The following CA10 variants were observed in gnomAD, a reference collection of about 807,000 sequenced individuals.
CA10 encodes carbonic anhydrase-related protein 10.
In CA10, 14 loss-of-function variants were observed where a neutral mutation model predicts 44.2. The observed-to-expected ratio is 0.32, with a 90% CI of 0.21 to 0.50. The LOEUF (loss-of-function observed/expected upper bound fraction) is 0.50. Among genes scored for constraint, CA10 ranks in the 20% least tolerant of loss-of-function variants. CA10 has a pLI of 0.99. For synonymous variants in CA10, 159 were observed against 141.6 expected (o/e 1.12, Z -0.87); for missense variants, 350 against 409.7 (o/e 0.85, Z 1.26).
chr17:51,929,021 C>T (rs1982543357), intron 3 of CA10, among the ~76,000 whole-genome samples: 1 of 152,086 alleles, frequency 6.6e-6, no homozygotes, highest in African/African-American at 2.4e-5. Context: ...GTAAATGTTG[C>T]CAAGATTCCA....
chr17:51,980,440 C>G (rs1334677472), intron 2 of CA10, among the ~76,000 whole-genome samples: 2 of 152,020 alleles, frequency 1.3e-5, no homozygotes, highest in East Asian at 3.9e-4. Flanking sequence ...GTCAGACACA[C>G]AGTTTGCAAA....
At chr17:51,889,291 G>A (rs910612785) in intron 3 of CA10, among the ~76,000 whole-genome samples, 1 of 152,102 alleles carries the variant, frequency 6.6e-6, no homozygotes, top group African/African-American at 2.4e-5. Flanking sequence ...GGAGGCTGGA[G>A]AAGGCAGATT....
intron 2 of CA10, among the ~76,000 whole-genome samples, chr17:52,019,980 C>T (rs1986085223): frequency 6.6e-6 from 1 of 151,502 alleles, no homozygotes; most frequent in Admixed American, 6.6e-5. Context: ...TTTGTTATAT[C>T]AGTTGTTGAG....
intron 3 of CA10, among the ~76,000 whole-genome samples, chr17:51,778,901 G>A (rs78273058): frequency 0.015 from 2,317 of 152,236 alleles, 29 homozygotes; most frequent in Non-Finnish European, 0.021. Context: ...CTGGAGCCTC[G>A]TGTTCTTGGG....
At chr17:51,665,672 G>A (rs761883863) in intron 4 of CA10, among the ~76,000 whole-genome samples, 1 of 152,212 alleles carries the variant, frequency 6.6e-6, no homozygotes. Flanking sequence ...AATCTGCACA[G>A]CATGTTACCG....
intron 2 of CA10, among the ~76,000 whole-genome samples, chr17:52,016,095 T>C (rs1985960101): frequency 6.6e-6 from 1 of 152,028 alleles, no homozygotes; most frequent in Non-Finnish European, 1.5e-5. Context: ...GGGAGAGGCA[T>C]TGGAGTTTGC....
intron 2 of CA10, among the ~76,000 whole-genome samples, chr17:52,031,430 G>A (rs1043499077): frequency 6.6e-6 from 1 of 152,100 alleles, no homozygotes; most frequent in Non-Finnish European, 1.5e-5. Context: ...GATTACAGGT[G>A]TGAGCCACTG....
chr17:51,767,808 G>A (rs189345820), intron 3 of CA10, among the ~76,000 whole-genome samples: 243 of 151,472 alleles, frequency 1.6e-3, no homozygotes, highest in African/African-American at 5.4e-3. Flanking sequence ...TTCTCATAAG[G>A]TGGACACAAC....
At chr17:52,131,529 A>G (rs1989239441) in intron 1 of CA10, among the ~76,000 whole-genome samples, 1 of 152,244 alleles carries the variant, frequency 6.6e-6, no homozygotes, top group Non-Finnish European at 1.5e-5. Flanking sequence ...CTAACATTAT[A>G]GCTCATTGCA....
intron 1 of CA10, among the ~76,000 whole-genome samples, chr17:52,118,072 G>A (rs906239000): frequency 1.3e-5 from 2 of 152,146 alleles, no homozygotes; most frequent in Non-Finnish European, 2.9e-5. Flanking sequence ...TTTGTAGAGG[G>A]TTATAAAAGG....
intron 2 of CA10, among the ~76,000 whole-genome samples, chr17:51,967,416 C>T (rs1984122330): frequency 1.3e-5 from 2 of 151,310 alleles, no homozygotes; most frequent in Non-Finnish European, 3.0e-5. Context: ...CTATTCACAA[C>T]AGCAAAGACG....
chr17:51,968,230 A>C (rs910170670), intron 2 of CA10, among the ~76,000 whole-genome samples: 4 of 151,908 alleles, frequency 2.6e-5, no homozygotes, highest in African/African-American at 9.7e-5. Flanking sequence ...AATGAACACT[A>C]TGTTAAATCA....
At chr17:51,769,808 G>A (rs968070559) in intron 3 of CA10, among the ~76,000 whole-genome samples, 3 of 152,158 alleles carry the variant, frequency 2.0e-5, no homozygotes, top group South Asian at 2.1e-4. Flanking sequence ...GTAAAGAGGG[G>A]ATATAAGAGA....
chr17:52,141,631 T>C (rs1278492662), intron 1 of CA10, among the ~76,000 whole-genome samples: 1 of 152,232 alleles, frequency 6.6e-6, no homozygotes. Flanking sequence ...TGAATGAGCA[T>C]GACTGTGTCC....
At chr17:52,053,568 G>A (rs748805581) in intron 2 of CA10, among the ~76,000 whole-genome samples, 17 of 152,032 alleles carry the variant, frequency 1.1e-4, no homozygotes, top group Non-Finnish European at 2.5e-4. Context: ...GAAGGTAACA[G>A]AAGTCCTGTA....
intron 1 of CA10, among the ~76,000 whole-genome samples, chr17:52,120,414 C>A (rs1988987833): frequency 9.9e-5 from 2 of 20,122 alleles, no homozygotes; most frequent in Non-Finnish European, 1.5e-4. Context: ...TCATCCTTAA[C>A]CTTATCCTTA....
At chr17:51,869,426 G>GAA (rs975414041) in intron 3 of CA10, among the ~76,000 whole-genome samples, 12 of 152,180 alleles carry the variant, frequency 7.9e-5, no homozygotes, top group African/African-American at 2.9e-4. Context: ...TTCCTGACGT[G>GAA]AAAGTTTACT....
intron 1 of CA10, among the ~76,000 whole-genome samples, chr17:52,072,716 C>CACA (rs776721118): frequency 1.1e-4 from 13 of 123,400 alleles, no homozygotes; most frequent in East Asian, 2.2e-4. Context: ...CACACACACA[C>CACA]AACACACACA....
At chr17:52,049,627 T>C (rs925755023) in intron 2 of CA10, among the ~76,000 whole-genome samples, 11 of 152,098 alleles carry the variant, frequency 7.2e-5, no homozygotes, top group Non-Finnish European at 1.5e-4. Context: ...AGCTATATTT[T>C]CTCTTTAGCC....
Sources: gnomAD v4.1 joint callset for allele counts (sites outside exome capture counted in the v4.1 genomes callset) on GRCh38, gnomAD v4.1.1 for gene constraint, MANE v1.5 for transcripts, NCBI Gene and HGNC (gene_info 2026-07-23, HGNC 2026-07-21) for gene names.